The following MYO3A variants were observed in gnomAD, a reference collection of about 807,000 sequenced individuals.
MYO3A encodes the protein myosin IIIA, also known as myosin-IIIa.
A neutral mutation model predicts 192.7 loss-of-function variants in MYO3A; 180 were observed. That is an observed-to-expected ratio of 0.93 (90% CI 0.83 to 1.06). The LOEUF (loss-of-function observed/expected upper bound fraction) is 1.06. Among genes scored for constraint, MYO3A ranks in the 50% least tolerant of loss-of-function variants. The pLI is 0.00. For missense variants in MYO3A, 1,896 were observed against 1,905.0 expected (o/e 1.00, Z 0.09); for synonymous variants, 628 against 645.3 (o/e 0.97, Z 0.41).
rs545077730 is a variant in MYO3A at position 26,066,402 on chromosome 10, G to T, written c.954-573G>T. On this transcript the variant is annotated intron_variant, in intron 10 of 34. Transcript: ENST00000642920. ...TAAATAAACCATTGTGTTTATCTCAGCAACTTCTCCTTTGTGTTAAATCAA... is the reference window on the plus strand; with the variant it reads ...TAAATAAACCATTGTGTTTATCTCATCAACTTCTCCTTTGTGTTAAATCAA... Among the ~76,000 whole-genome samples the T allele has an allele frequency of 2.0e-5, 3 of 152,254 alleles. No homozygotes were observed. The East Asian group carries it at 5.8e-4, about 29-fold the overall frequency.
intron 7 of MYO3A, among the ~76,000 whole-genome samples, chr10:26,017,328 A>G (rs1327047789): frequency 6.6e-6 from 1 of 152,212 alleles, no homozygotes; most frequent in Non-Finnish European, 1.5e-5. Context: ...CCTGGGGGCT[A>G]TGCTCAGCTT....
intron 25 of MYO3A, 47 bp downstream of exon 25, chr10:26,154,870 T>A: frequency 6.7e-7 from 1 of 1,490,316 alleles, no homozygotes; most frequent in East Asian, 2.4e-5. Flanking sequence ...TGCTATTTAG[T>A]CTAAATGAGT....
intron 6 of MYO3A, among the ~76,000 whole-genome samples, chr10:26,013,190 A>G (rs1051631124): frequency 2.0e-5 from 3 of 152,096 alleles, no homozygotes; most frequent in Admixed American, 6.6e-5. Flanking sequence ...ACAACATTGG[A>G]GAAACTTTTC....
At chr10:25,940,231 T>C (rs1228870904) in intron 2 of MYO3A, among the ~76,000 whole-genome samples, 1 of 152,094 alleles carries the variant, frequency 6.6e-6, no homozygotes, top group East Asian at 1.9e-4. Context: ...CTATTTCTAC[T>C]GCTTTTTCTA....
At chr10:26,061,371 G>A (rs1179989957) in intron 10 of MYO3A, among the ~76,000 whole-genome samples, 1 of 152,194 alleles carries the variant, frequency 6.6e-6, no homozygotes, top group African/African-American at 2.4e-5. Flanking sequence ...CACTAGTGGT[G>A]TATTCTCTCT....
intron 2 of MYO3A, among the ~76,000 whole-genome samples, chr10:25,943,572 C>T: frequency 6.6e-6 from 1 of 152,068 alleles, no homozygotes; most frequent in East Asian, 1.9e-4. Context: ...TTGTACTTTT[C>T]AATACACAAG....
intron 22 of MYO3A, among the ~76,000 whole-genome samples, chr10:26,146,851 G>A (rs1183846444): frequency 1.3e-5 from 2 of 152,112 alleles, no homozygotes; most frequent in Non-Finnish European, 2.9e-5. Flanking sequence ...GGTGGCTCAC[G>A]CCTGTAATCC....
intron 4 of MYO3A, among the ~76,000 whole-genome samples, chr10:25,979,359 A>G (rs1839158013): frequency 6.6e-6 from 1 of 151,856 alleles, no homozygotes; most frequent in African/African-American, 2.4e-5. Flanking sequence ...TCACCATCTT[A>G]CCAGGGTCAC....
At chr10:26,137,046 G>A (rs1330317315) in intron 20 of MYO3A, among the ~76,000 whole-genome samples, 1 of 151,666 alleles carries the variant, frequency 6.6e-6, no homozygotes, top group Non-Finnish European at 1.5e-5. Flanking sequence ...AAAAGACCCA[G>A]TAAGTACAGG....
chr10:26,088,454 A>G (rs1836479484), intron 15 of MYO3A, 49 bp downstream of exon 15: 1 of 1,515,788 alleles, frequency 6.6e-7, no homozygotes, highest in Non-Finnish European at 9.2e-7. Flanking sequence ...AGAAGCAAAC[A>G]TAATACTTTA....
Position 25,952,279 on chromosome 10 carries a change from G to GT in MYO3A, c.168+2dup, listed in dbSNP as rs762060667. On this transcript the variant is annotated splice_donor_variant, in intron 3 of 34. Transcript: ENST00000642920. LOFTEE classifies it high-confidence loss of function. ...AGTCAAAATTCTTGATCCAATTCAC[G>GT]TAAGTCATATTTTTTCCTTCTAATT... 1.2e-6 allele frequency: 2 copies of GT among 1,611,464 alleles called. No homozygotes were observed. The highest frequency in any genetic ancestry group is 1.3e-5 in the African/African-American group (1 of 74,906).
intron 28 of MYO3A, among the ~76,000 whole-genome samples, chr10:26,169,902 C>G (rs1276595519): frequency 6.6e-6 from 1 of 152,118 alleles, no homozygotes; most frequent in Non-Finnish European, 1.5e-5. Context: ...CTTTACTCCC[C>G]CAACTTAGTA....
chr10:26,122,708 T>C (rs1838949377), intron 18 of MYO3A, among the ~76,000 whole-genome samples: 1 of 151,846 alleles, frequency 6.6e-6, no homozygotes, highest in Non-Finnish European at 1.5e-5. Context: ...CACCTCCCTC[T>C]CCCCCTCCTT....
intron 20 of MYO3A, among the ~76,000 whole-genome samples, chr10:26,133,055 G>A (rs1296436628): frequency 1.3e-5 from 2 of 152,144 alleles, no homozygotes; most frequent in African/African-American, 4.8e-5. Context: ...AAAATGTGTG[G>A]ATGATTAAAA....
At chr10:25,959,115 G>A (rs1375029908) in intron 4 of MYO3A, among the ~76,000 whole-genome samples, 1 of 152,102 alleles carries the variant, frequency 6.6e-6, no homozygotes, top group Non-Finnish European at 1.5e-5. Flanking sequence ...TCTGCAAACA[G>A]GGATTGTTTG....
Position 26,127,756 on chromosome 10 carries a change from TAA to T in MYO3A, c.2115-622_2115-621del, listed in dbSNP as rs35280151. On this transcript the variant is annotated intron_variant, in intron 19 of 34. Transcript: ENST00000642920. ...GAGGAGTAAACCTTTTGACCAATAG[TAA>T]AAAAAAAAAAAAGTATTTGAAATAC... Among the ~76,000 whole-genome samples the T allele has an allele frequency of 1.8e-3, 261 of 143,982 alleles. 2 individuals are homozygous for T. The highest frequency in any genetic ancestry group is 0.013 in the East Asian group (62 of 4,936). The allele number at this position is 143,982 out of a possible 152,430, so 94.5% of individuals were successfully genotyped here.
At chr10:26,091,419 A>G (rs1836692544) in intron 15 of MYO3A, among the ~76,000 whole-genome samples, 1 of 152,224 alleles carries the variant, frequency 6.6e-6, no homozygotes, top group African/African-American at 2.4e-5. Context: ...AATTTCAAGA[A>G]TAAGATGAAC....
intron 17 of MYO3A, among the ~76,000 whole-genome samples, chr10:26,110,129 G>A (rs74126401): frequency 0.1 from 15,613 of 152,212 alleles, 865 homozygotes; most frequent in Non-Finnish European, 0.12. Flanking sequence ...TGGCTTAAAA[G>A]TAGAGACTCC....
intron 14 of MYO3A, among the ~76,000 whole-genome samples, chr10:26,078,145 T>TTTTTTTTTTTTTTTTTTTTTTTTTTA (rs746702712): frequency 7.0e-6 from 1 of 142,024 alleles, no homozygotes; most frequent in Non-Finnish European, 1.6e-5. Flanking sequence ...TTTTTTTTTT[T>TTTTTTTTTTTTTTTTTTTTTTTTTTA]GGTAATTTTA....
Sources: allele counts gnomAD v4.1 joint callset (sites outside exome capture counted in the v4.1 genomes callset), GRCh38; gene constraint gnomAD v4.1.1; transcripts MANE v1.5; gene names NCBI Gene and HGNC (gene_info 2026-07-23, HGNC 2026-07-21).